Variants in HYCC1 observed in about 807,000 individuals in gnomAD.
The protein encoded by HYCC1 is hyccin.
the HYCC1 span, among the ~76,000 whole-genome samples, chr7:22,923,393 C>T: frequency 6.6e-6 from 1 of 152,146 alleles, no homozygotes; most frequent in Non-Finnish European, 1.5e-5. Flanking sequence ...ACTTGTTGGA[C>T]ATGGCTAAAG....
the HYCC1 span, among the ~76,000 whole-genome samples, chr7:22,969,187 T>C: frequency 6.6e-6 from 1 of 151,610 alleles, no homozygotes; most frequent in Non-Finnish European, 1.5e-5. Flanking sequence ...TGTTTGTTTG[T>C]TTTTTAAGAT....
At chr7:22,981,868 G>C in the HYCC1 span, among the ~76,000 whole-genome samples, 13 of 152,160 alleles carry the variant, frequency 8.5e-5, no homozygotes, top group Non-Finnish European at 1.8e-4. Context: ...GTCTGTGACA[G>C]ATGATAATTT....
At chr7:22,947,678 T>C in the HYCC1 span, among the ~76,000 whole-genome samples, 1 of 152,230 alleles carries the variant, frequency 6.6e-6, no homozygotes, top group African/African-American at 2.4e-5. Flanking sequence ...GCCAAACCTT[T>C]AGCTTTTGTC....
At chr7:22,956,332 C>T in the HYCC1 span, among the ~76,000 whole-genome samples, 2 of 151,924 alleles carry the variant, frequency 1.3e-5, no homozygotes, top group East Asian at 3.9e-4. Context: ...AAGTCGAAAG[C>T]AGCAATTCTA....
At chr7:22,973,817 A>G in the HYCC1 span, among the ~76,000 whole-genome samples, 1 of 152,168 alleles carries the variant, frequency 6.6e-6, no homozygotes, top group Non-Finnish European at 1.5e-5. Flanking sequence ...TCATAATATA[A>G]AAGTAAGTAT....
At chr7:22,942,732 T>G in the HYCC1 span, 1 of 152,210 alleles carries the variant, frequency 6.6e-6, no homozygotes, top group Non-Finnish European at 1.5e-5. Context: ...CATCAGCATC[T>G]TTATAAGAAA....
the HYCC1 span, among the ~76,000 whole-genome samples, chr7:22,971,187 C>T: frequency 6.7e-6 from 1 of 150,366 alleles, no homozygotes; most frequent in Non-Finnish European, 1.5e-5. Context: ...TTAGGAAGAC[C>T]CATTCCAGTG....
the HYCC1 span, among the ~76,000 whole-genome samples, chr7:22,907,104 CAAAAA>C: frequency 5.4e-3 from 234 of 43,500 alleles, no homozygotes; most frequent in Non-Finnish European, 7.2e-3. Flanking sequence ...GACTCTATCT[CAAAAA>C]AAAAAAAAAA....
chr7:22,909,399 A>G, the HYCC1 span, among the ~76,000 whole-genome samples: 1 of 152,322 alleles, frequency 6.6e-6, no homozygotes, highest in South Asian at 2.1e-4. Flanking sequence ...TTTTCTGTAC[A>G]GCCTGCAGAA....
chr7:22,971,678 A>AG, the HYCC1 span, among the ~76,000 whole-genome samples: 1 of 23,594 alleles, frequency 4.2e-5, no homozygotes. Context: ...CCCATCTCAC[A>AG]AAAAAAAAAA....
At chr7:22,916,520 G>C in the HYCC1 span, among the ~76,000 whole-genome samples, 1 of 152,172 alleles carries the variant, frequency 6.6e-6, no homozygotes, top group Admixed American at 6.5e-5. Flanking sequence ...TTACACAAGA[G>C]CCAGGACCAC....
At chr7:22,998,976 C>T in the HYCC1 span, among the ~76,000 whole-genome samples, 1 of 152,124 alleles carries the variant, frequency 6.6e-6, no homozygotes, top group East Asian at 1.9e-4. Flanking sequence ...CCTTTCACTC[C>T]TCAGCTTTTA....
chr7:23,011,384 T>TA, the HYCC1 span, among the ~76,000 whole-genome samples: 1 of 152,162 alleles, frequency 6.6e-6, no homozygotes, highest in Non-Finnish European at 1.5e-5. Context: ...AAATTCAAAA[T>TA]AGCCAAAACA....
chr7:22,898,369 AC>A, the HYCC1 span, among the ~76,000 whole-genome samples: 1 of 151,726 alleles, frequency 6.6e-6, no homozygotes, highest in African/African-American at 2.4e-5. Flanking sequence ...ACACACCACC[AC>A]ACCCAGCTAA....
chr7:22,971,720 G>A, the HYCC1 span, among the ~76,000 whole-genome samples: 4 of 151,032 alleles, frequency 2.6e-5, no homozygotes, highest in African/African-American at 9.7e-5. Flanking sequence ...GAAGTGGAGA[G>A]GAAAAGACCA....
the HYCC1 span, among the ~76,000 whole-genome samples, chr7:22,914,777 T>A: frequency 2.6e-5 from 4 of 152,136 alleles, no homozygotes; most frequent in East Asian, 7.7e-4. Context: ...TCTCCCCTCC[T>A]CCCCAGTCTG....
the HYCC1 span, among the ~76,000 whole-genome samples, chr7:23,001,448 T>A: frequency 6.6e-6 from 1 of 152,186 alleles, no homozygotes; most frequent in Admixed American, 6.5e-5. Flanking sequence ...CCTTGTCTCA[T>A]AAATAATTTA....
chr7:22,930,375 T>TA, the HYCC1 span, among the ~76,000 whole-genome samples: 8 of 84,240 alleles, frequency 9.5e-5, no homozygotes, highest in Admixed American at 3.2e-4. Context: ...AGAAACAAAG[T>TA]AAAAAGAAAA....
At chr7:22,945,535 A>C in the HYCC1 span, 1 of 1,352,080 alleles carries the variant, frequency 7.4e-7, no homozygotes, top group East Asian at 2.3e-5. Context: ...TTCATAAAGA[A>C]GCAAAGTTGT....
Sources: allele counts gnomAD v4.1 joint callset (sites outside exome capture counted in the v4.1 genomes callset), GRCh38; gene constraint gnomAD v4.1.1; transcripts MANE v1.5; gene names NCBI Gene and HGNC (gene_info 2026-07-23, HGNC 2026-07-21).